NID2: variants seen among roughly 807,000 people sequenced by gnomAD.
NID2 encodes the protein nidogen 2.
In NID2, 83 loss-of-function variants were observed where a neutral mutation model predicts 145.4. The ratio of observed to expected loss-of-function variants is 0.57; its 90% CI spans 0.48 to 0.69. The LOEUF is 0.69. NID2 is among the 30% of genes least tolerant of loss of function. NID2 has a pLI of 0.00. For missense variants in NID2, 1,807 were observed against 1,765.7 expected (o/e 1.02, Z -0.42); for synonymous variants, 739 against 701.3 (o/e 1.05, Z -0.85).
At chr14:52,068,645 G>T (rs1331585664) in intron 1 of NID2, 122 bp downstream of exon 1, 13 of 854,170 alleles carry the variant, frequency 1.5e-5, no homozygotes, top group Middle Eastern at 4.5e-4. Context: ...GGGTACCACC[G>T]CAAGGGTGCT....
At chr14:52,035,619 G>A (rs983314761) in intron 9 of NID2, among the ~76,000 whole-genome samples, 1 of 149,120 alleles carries the variant, frequency 6.7e-6, no homozygotes, top group Non-Finnish European at 1.5e-5. Flanking sequence ...GATTACAGGT[G>A]TAAGCCACTG....
chr14:52,025,083 A>C (rs1891543865), intron 12 of NID2, among the ~76,000 whole-genome samples: 1 of 152,226 alleles, frequency 6.6e-6, no homozygotes, highest in African/African-American at 2.4e-5. Flanking sequence ...TGTTTAAATA[A>C]ATTCTACAGA....
rs2140442115 is a variant in NID2 at position 52,068,089 on chromosome 14, G to C, written c.303C>G (p.Thr101=). The change falls in exon 2 of 22, where the codon ACC becomes ACG. Residue 101 remains threonine, a synonymous_variant. Transcript: ENST00000216286. The part of the protein sequence containing the change: ...ETQYVDYDFP[T]DFPAIAPFLA... ...GAAAAGGGGCGATGGCCGGGAAGTCGGTGGGGAAATCATAGTCCACATACT... is the reference window on the plus strand; with the variant it reads ...GAAAAGGGGCGATGGCCGGGAAGTCCGTGGGGAAATCATAGTCCACATACT... The C allele has an allele frequency of 6.2e-7, 1 of 1,613,618 alleles. No homozygotes were observed. The highest frequency in any genetic ancestry group is 2.2e-5 in the East Asian group (1 of 44,880).
In NID2 at chr14:52,029,587, C is replaced by T; in HGVS notation, c.2361G>A (p.Glu787=). 1.9e-6 allele frequency: 3 copies of T among 1,613,550 alleles called. No homozygotes were observed. Among genetic ancestry groups the T allele is most frequent in the Non-Finnish European group, 2.5e-6 (3 of 1,179,574 alleles). ...CATCTCCCTGGTACCCAGATGCGCA[C>T]TCACAGGTGTAATCTACACCTGTCC... ...HPGTGVDYTC[E]CASGYQGDGR... is the part of the protein sequence containing the mutation. Residue 787 remains glutamate, a synonymous_variant, in exon 10 of 22, where the codon GAG becomes GAA. Coordinates refer to ENST00000216286, the MANE Select transcript of NID2 (RefSeq NM_007361.4).
intron 18 of NID2, chr14:52,008,967 A>G (rs781713015): frequency 2.0e-5 from 3 of 152,224 alleles, no homozygotes; most frequent in Non-Finnish European, 4.4e-5. Context: ...TTAAGTGGAA[A>G]TAGGTTATAA....
At position 52,011,701 on chromosome 14, in the gene NID2, TAGAATTAGA is replaced by T. The variant is rs753685559; in HGVS notation, c.3421-27_3421-19del. The T allele has an allele frequency of 1.9e-6, 3 of 1,613,664 alleles. No individual in the cohort carries two copies. Among genetic ancestry groups the T allele is most frequent in the South Asian group, 2.2e-5 (2 of 91,032 alleles). ...ATGGAGCCCTTTGTGCATCAAATCA[TAGAATTAGA>T]AGAATTAGGTTACATTTCCCCTTTG... is the stretch of plus-strand genomic sequence containing the variant. On this transcript the variant is annotated intron_variant, in intron 16 of 21. Coordinates refer to ENST00000216286, the MANE Select transcript of NID2 (RefSeq NM_007361.4).
chr14:52,023,962 C>A (rs1244615107), intron 12 of NID2, among the ~76,000 whole-genome samples: 1 of 152,224 alleles, frequency 6.6e-6, no homozygotes, highest in East Asian at 1.9e-4. Context: ...CAAAATACAG[C>A]CTCTGTTCTT....
chr14:52,025,178 A>G (rs1330324329), intron 12 of NID2, among the ~76,000 whole-genome samples: 2 of 152,216 alleles, frequency 1.3e-5, no homozygotes, highest in African/African-American at 4.8e-5. Context: ...ACGAAGGAAA[A>G]GCATCATTCC....
At chr14:52,014,706 A>C in intron 15 of NID2, among the ~76,000 whole-genome samples, 1 of 150,596 alleles carries the variant, frequency 6.6e-6, no homozygotes, top group Non-Finnish European at 1.5e-5. Flanking sequence ...AGCAGAACAG[A>C]TTTTTTTTTC....
At chr14:52,066,104 A>G (rs919021080) in intron 2 of NID2, among the ~76,000 whole-genome samples, 1 of 152,180 alleles carries the variant, frequency 6.6e-6, no homozygotes, top group Non-Finnish European at 1.5e-5. Flanking sequence ...TAATGTCTGC[A>G]GGTGGATTTT....
intron 3 of NID2, among the ~76,000 whole-genome samples, chr14:52,056,901 C>T (rs1029190343): frequency 2.6e-5 from 4 of 152,114 alleles, no homozygotes; most frequent in South Asian, 2.1e-4. Context: ...AAAATATACA[C>T]GTGTGAATTC....
chr14:52,053,795 C>T lies in NID2; in HGVS notation c.1213G>A (p.Ala405Thr), dbSNP rs761234850. ...GGTGGTGGGGTTTCCCAGGAAGGAG[C>T]CAGTGAATCTCTGTCTACCTCTGGT... ...APPEVDRDSL[A>T]PSWETPPPYP... The change falls in exon 5 of 22, where the codon GCT (alanine) becomes ACT (threonine). Residue 405 changes from alanine (A) to threonine (T), a missense_variant. By Grantham distance (58) the Ala-to-Thr change is moderately conservative (BLOSUM62 0). Coordinates refer to ENST00000216286, the MANE Select transcript of NID2 (RefSeq NM_007361.4). 2.5e-6 allele frequency: 4 copies of T among 1,614,174 alleles called. No homozygotes were observed. In the East Asian group the frequency reaches 6.7e-5, roughly 27 times the overall value.
chr14:52,026,456 G>T (rs1312851651), intron 12 of NID2, among the ~76,000 whole-genome samples: 6 of 152,300 alleles, frequency 3.9e-5, no homozygotes, highest in African/African-American at 1.4e-4. Context: ...CCCTAACTGT[G>T]TGTGTGTGAC....
rs535564581 is a variant in NID2, at chr14:52,030,516, A to AAAAGAAAG, written c.2258-834_2258-827dup. ...AAGAAAGAAAGAGAAAGAAAGAAAG[A>AAAAGAAAG]AAAGAAAGAAAGAAAGAAAGAAAGA... On this transcript the variant is annotated intron_variant, in intron 9 of 21. Transcript: ENST00000216286. Among the ~76,000 whole-genome samples, 168 of 63,080 alleles carry AAAAGAAAG rather than the reference A, an allele frequency of 2.7e-3. 1 individual carries two copies. The highest frequency in any genetic ancestry group is 8.6e-3 in the African/African-American group (159 of 18,420). 41.4% of individuals were successfully genotyped at this position (63,080 alleles called of 152,430 possible). A position where few individuals can be genotyped will look rare whatever the true frequency, so the allele number is the denominator to read the frequency against.
Position 52,068,999 on chromosome 14 carries a change from G to A in NID2, c.-5C>T. On this transcript the variant is annotated 5_prime_UTR_variant, in exon 1 of 22. Transcript: ENST00000216286. ...GGCCACCCGGTCCCCCTCCATGCTC[G>A]CTCGGCCGTGCGCTTACCCGCTGCA... 6.2e-7 allele frequency: 1 copy of A among 1,602,552 alleles called. No homozygotes were observed. The highest frequency in any genetic ancestry group is 1.1e-5 in the South Asian group (1 of 90,570).
intron 13 of NID2, 29 bp from the exon 14 acceptor site, chr14:52,019,323 A>C (rs759302816): frequency 6.5e-7 from 1 of 1,527,500 alleles, no homozygotes; most frequent in East Asian, 2.3e-5. Context: ...AGGAAGACAC[A>C]AAAGAGAAAT....
chr14:52,020,145 G>A lies in NID2; in HGVS notation c.2708C>T (p.Pro903Leu). ...AGGAGTATTGTAGCAGGTAGCTGCA[G>A]GGTGACATCTGTTTTCTGAGCATTC... Reference protein sequence around the residue: ...VDECSENRCHPAATCYNTPGS... With the variant: ...VDECSENRCHLAATCYNTPGS... Residue 903 changes from proline to leucine, a missense_variant, in exon 13 of 22, where the codon CCT (proline) becomes CTT (leucine). By Grantham distance (98) the Pro-to-Leu change is moderately conservative. Transcript: ENST00000216286. 1 of 1,614,094 alleles carries A rather than the reference G, an allele frequency of 6.2e-7. No homozygotes were observed. The highest frequency in any genetic ancestry group is 1.3e-5 in the African/African-American group (1 of 75,064).
At chr14:52,048,304 G>A (rs1005779983) in intron 5 of NID2, among the ~76,000 whole-genome samples, 10 of 152,230 alleles carry the variant, frequency 6.6e-5, no homozygotes, top group African/African-American at 2.4e-4. Context: ...CTTCCCTGAA[G>A]AAGGGGGAGA....
At chr14:52,039,039 G>T in intron 8 of NID2, 62 bp from the exon 9 acceptor site, 3 of 1,175,732 alleles carry the variant, frequency 2.6e-6, no homozygotes, top group East Asian at 2.6e-5. Flanking sequence ...CATGTGAGGT[G>T]GATTTTTCTG....
Sources: gnomAD v4.1 joint callset for allele counts (sites outside exome capture counted in the v4.1 genomes callset) on GRCh38, gnomAD v4.1.1 for gene constraint, MANE v1.5 for transcripts, NCBI Gene and HGNC (gene_info 2026-07-23, HGNC 2026-07-21) for gene names.